The following FSD1L variants were observed in gnomAD, a reference collection of about 807,000 sequenced individuals.
The protein encoded by FSD1L is fibronectin type III and SPRY domain containing 1 like, also known as FSD1-like protein.
A neutral mutation model predicts 71.6 loss-of-function variants in FSD1L; 45 were observed. The observed-to-expected ratio is 0.63, with a 90% confidence interval of 0.49 to 0.81. The LOEUF (loss-of-function observed/expected upper bound fraction) is 0.81, where lower values mean the gene tolerates loss of function less well. FSD1L is among the 30% of genes least tolerant of loss of function. The pLI is 0.00. For synonymous variants in FSD1L, 197 were observed against 207.2 expected (o/e 0.95, Z 0.42); for missense variants, 561 against 618.1 (o/e 0.91, Z 0.98).
At chr9:105,455,758 T>G (rs1347713118) in intron 1 of FSD1L, among the ~76,000 whole-genome samples, 1 of 152,234 alleles carries the variant, frequency 6.6e-6, no homozygotes, top group Non-Finnish European at 1.5e-5. Context: ...ACTACTTTTT[T>G]ATCAGATTTG....
chr9:105,504,163 C>G (rs1306667377), intron 7 of FSD1L, among the ~76,000 whole-genome samples: 2 of 152,182 alleles, frequency 1.3e-5, no homozygotes, highest in Non-Finnish European at 2.9e-5. Context: ...CATAGCAGAG[C>G]ATATTAAATT....
Position 105,508,607 on chromosome 9 carries a change from G to T in FSD1L, c.797-10G>T, listed in dbSNP as rs76589210. 2,377 of 1,528,222 alleles carry T rather than the reference G, an allele frequency of 1.6e-3. 38 individuals carry two copies. In the African/African-American group the frequency reaches 0.03, roughly 19 times the overall value. The allele number at this position is 1,528,222 out of a possible 1,614,324, so 94.7% of individuals were successfully genotyped here. A position where few individuals can be genotyped will look rare whatever the true frequency, so the allele number is the denominator to read the frequency against. ...GTACATGTCTGAAAACCATGTTTTCGTTTCTTCAGGCTTAAAATTTGATTC... is the reference window on the plus strand; with the variant it reads ...GTACATGTCTGAAAACCATGTTTTCTTTTCTTCAGGCTTAAAATTTGATTC... On this transcript the variant is annotated splice_polypyrimidine_tract_variant and intron_variant, in intron 8 of 13. Transcript: ENST00000481272.
chr9:105,513,303 A>G (rs962147787), intron 10 of FSD1L, among the ~76,000 whole-genome samples: 1 of 152,188 alleles, frequency 6.6e-6, no homozygotes, highest in Admixed American at 6.5e-5. Flanking sequence ...GACAGCGTTT[A>G]ATAGGTACAA....
chr9:105,518,583 G>A (rs1221546166), intron 10 of FSD1L, among the ~76,000 whole-genome samples: 1 of 152,092 alleles, frequency 6.6e-6, no homozygotes, highest in Non-Finnish European at 1.5e-5. Flanking sequence ...ACGAAATGAA[G>A]GCAGAAATAA....
At chr9:105,540,664 A>C (rs1177506416) in intron 13 of FSD1L, among the ~76,000 whole-genome samples, 4 of 152,078 alleles carry the variant, frequency 2.6e-5, no homozygotes, top group African/African-American at 9.7e-5. Context: ...TTTATTGACA[A>C]GATCATAGTG....
chr9:105,469,559 A>G (rs115568357), intron 4 of FSD1L, among the ~76,000 whole-genome samples: 21 of 152,206 alleles, frequency 1.4e-4, no homozygotes, highest in African/African-American at 3.6e-4. Flanking sequence ...TTGGCCATCA[A>G]TGTATTTTCT....
intron 1 of FSD1L, among the ~76,000 whole-genome samples, chr9:105,460,135 C>T (rs1384657932): frequency 1.3e-5 from 2 of 152,150 alleles, no homozygotes; most frequent in Admixed American, 6.5e-5. Flanking sequence ...CAGCCTTAGG[C>T]AATTCATATA....
At chr9:105,466,053 A>G (rs1831047771) in intron 3 of FSD1L, among the ~76,000 whole-genome samples, 1 of 152,326 alleles carries the variant, frequency 6.6e-6, no homozygotes, top group South Asian at 2.1e-4. Context: ...CAGTAAAGTT[A>G]CAGAATGCAA....
chr9:105,522,890 C>A (rs1835266111), intron 10 of FSD1L: 3 of 1,607,854 alleles, frequency 1.9e-6, no homozygotes, highest in Non-Finnish European at 2.5e-6. Context: ...ACAAGCAGAA[C>A]CAGATGCGCC....
At position 105,546,522 on chromosome 9, in the gene FSD1L, G is replaced by A; in HGVS notation, c.*39G>A. 2.7e-6 allele frequency: 4 copies of A among 1,490,736 alleles called. No individual in the cohort carries two copies. Among genetic ancestry groups the A allele is most frequent in the South Asian group, 1.4e-5 (1 of 73,092 alleles). The allele number at this position is 1,490,736 out of a possible 1,614,324, so 92.3% of individuals were successfully genotyped here. A position where few individuals can be genotyped will look rare whatever the true frequency, so the allele number is the denominator to read the frequency against. On this transcript the variant is annotated 3_prime_UTR_variant, in exon 14 of 14. Coordinates refer to ENST00000481272, the MANE Select transcript of FSD1L (RefSeq NM_001145313.3). ...TACGTTTACCCTCCGTCTTGATTAG[G>A]TGGCCTTTTCTGTGCAGTTACTAAT...
In FSD1L at chr9:105,551,917, C is replaced by T. The variant is rs554268833; in HGVS notation, c.*5434C>T. ...CAAATGGCTGGGCAGCTTGTTGTCA[C>T]GGATAAATGATATAAAATGTAACCA... On this transcript the variant is annotated 3_prime_UTR_variant, in exon 14 of 14. Coordinates refer to ENST00000481272, the MANE Select transcript of FSD1L (RefSeq NM_001145313.3). 14 of 152,242 alleles carry T rather than the reference C, an allele frequency of 9.2e-5. No homozygotes were observed. The highest frequency in any genetic ancestry group is 4.1e-4 in the South Asian group (2 of 4,822). 9.4% of individuals were successfully genotyped at this position (152,242 alleles called of 1,614,324 possible).
At chr9:105,507,034 CAG>C in intron 8 of FSD1L, among the ~76,000 whole-genome samples, 1 of 152,168 alleles carries the variant, frequency 6.6e-6, no homozygotes, top group Non-Finnish European at 1.5e-5. Flanking sequence ...CATAGTGAAA[CAG>C]AATATATGTA....
At chr9:105,447,755 G>C (rs969815433), upstream of FSD1L, 4 of 226,216 alleles carry the variant, frequency 1.8e-5, no homozygotes, top group African/African-American at 9.5e-5. Flanking sequence ...GATGCGTGCT[G>C]GGTGGAGGGT....
chr9:105,524,377 G>C lies in FSD1L; in HGVS notation c.1026-10116G>C, dbSNP rs1554714424. The stretch of plus-strand genomic sequence containing the variant: ...GCTACCATCACCCATCTTTTACCAA[G>C]TACAGAGGCTTCATCTTATGAAATG... On this transcript the variant is annotated intron_variant, in intron 10 of 13. Coordinates refer to ENST00000481272, the MANE Select transcript of FSD1L (RefSeq NM_001145313.3). 5.6e-6 allele frequency: 9 copies of C among 1,613,934 alleles called. 1 individual carries two copies. The Middle Eastern group carries it at 1.3e-3, about 239-fold the overall frequency.
At chr9:105,474,937 T>A (rs1051962710) in intron 5 of FSD1L, among the ~76,000 whole-genome samples, 1 of 152,218 alleles carries the variant, frequency 6.6e-6, no homozygotes, top group African/African-American at 2.4e-5. Context: ...TCACTAATTT[T>A]TTTTAACTGC....
chr9:105,480,522 G>A (rs986050690), intron 6 of FSD1L, among the ~76,000 whole-genome samples: 1 of 152,182 alleles, frequency 6.6e-6, no homozygotes, highest in African/African-American at 2.4e-5. Flanking sequence ...GAATGCCTAA[G>A]CTCAAGCTAT....
chr9:105,508,822 C>T (rs1178896859), intron 9 of FSD1L, 107 bp downstream of exon 9: 2 of 622,602 alleles, frequency 3.2e-6, no homozygotes, highest in African/African-American at 3.8e-5. Flanking sequence ...TACTTCTCTA[C>T]TTCTCCTAGC....
intron 6 of FSD1L, 31 bp downstream of exon 6, chr9:105,479,407 A>G (rs925205310): frequency 6.6e-7 from 1 of 1,508,874 alleles, no homozygotes; most frequent in African/African-American, 1.4e-5. Flanking sequence ...TTACTTAAGT[A>G]TAAATATTGA....
chr9:105,508,585 C>T (rs929828033), intron 8 of FSD1L, 32 bp from the exon 9 acceptor site: 1 of 1,278,906 alleles, frequency 7.8e-7, no homozygotes, highest in Admixed American at 2.0e-5. Flanking sequence ...CTTTACTGTA[C>T]ATGTCTGAAA....
Sources: allele counts gnomAD v4.1 joint callset (sites outside exome capture counted in the v4.1 genomes callset), GRCh38; gene constraint gnomAD v4.1.1; transcripts MANE v1.5; gene names NCBI Gene and HGNC (gene_info 2026-07-23, HGNC 2026-07-21).